Variants in MTMR8 observed in about 807,000 individuals in gnomAD.
The protein encoded by MTMR8 is myotubularin related protein 8, also known as phosphatidylinositol-3,5-bisphosphate 3-phosphatase MTMR8.
A neutral mutation model predicts 39.3 loss-of-function variants in MTMR8; 65 were observed. That is an observed-to-expected ratio of 1.65 (90% CI 1.35 to 2.03). The LOEUF is 2.03. Among genes scored for constraint, MTMR8 ranks in the 30% most tolerant of loss-of-function variants. The pLI is 0.00. For missense variants in MTMR8, 777 were observed against 538.9 expected (o/e 1.44, Z -4.37); for synonymous variants, 245 against 185.2 (o/e 1.32, Z -2.62).
intron 11 of MTMR8, among the ~76,000 whole-genome samples, chrX:64,330,605 G>A (rs1279851394): frequency 9.0e-6 from 1 of 111,463 alleles, no homozygotes; most frequent in Non-Finnish European, 1.9e-5. Flanking sequence ...TGTCAATTTT[G>A]AAAAGTACTT....
At chrX:64,350,591 T>C (rs920893519) in intron 4 of MTMR8, among the ~76,000 whole-genome samples, 11 of 111,542 alleles carry the variant, frequency 9.9e-5, no homozygotes, top group Admixed American at 9.6e-4. Flanking sequence ...GATGATTAAA[T>C]ACCAGCTAGC....
chrX:64,318,408 G>T (rs1218706651), intron 12 of MTMR8, among the ~76,000 whole-genome samples: 1 of 111,812 alleles, frequency 8.9e-6, no homozygotes, highest in Non-Finnish European at 1.9e-5. Context: ...GCTAGAAAGA[G>T]ATGGCTTCTA....
intron 12 of MTMR8, among the ~76,000 whole-genome samples, chrX:64,316,835 G>A (rs902214785): frequency 9.1e-6 from 1 of 110,149 alleles, no homozygotes; most frequent in African/African-American, 3.3e-5. Context: ...GTTAGGCCAG[G>A]TGCAGTGGCT....
At chrX:64,274,191 A>C (rs1301618522) in intron 12 of MTMR8, among the ~76,000 whole-genome samples, 1 of 112,164 alleles carries the variant, frequency 8.9e-6, no homozygotes, top group Non-Finnish European at 1.9e-5. Flanking sequence ...TCCAAGATAG[A>C]TCACATGTTA....
At chrX:64,391,280 C>T (rs1005933400) in intron 1 of MTMR8, among the ~76,000 whole-genome samples, 1 of 111,908 alleles carries the variant, frequency 8.9e-6, no homozygotes, top group Non-Finnish European at 1.9e-5. Context: ...TTAAAACATT[C>T]CTTAATGAGC....
intron 12 of MTMR8, among the ~76,000 whole-genome samples, chrX:64,275,615 G>GTCT (rs1430216521): frequency 2.1e-5 from 2 of 95,760 alleles, no homozygotes; most frequent in African/African-American, 8.2e-5. Context: ...GCCTCGTCCA[G>GTCT]TCTGCAGCCA....
At chrX:64,380,452 T>A (rs1924382157) in intron 1 of MTMR8, among the ~76,000 whole-genome samples, 1 of 112,530 alleles carries the variant, frequency 8.9e-6, no homozygotes, top group Admixed American at 9.4e-5. Context: ...TGGCCTGAGG[T>A]GAGGCATTTA....
chrX:64,355,856 A>G (rs1028679459), intron 3 of MTMR8, among the ~76,000 whole-genome samples: 4 of 111,427 alleles, frequency 3.6e-5, no homozygotes, highest in Non-Finnish European at 5.7e-5. Context: ...TTCCTTCCTG[A>G]ACTGAGAAAA....
chrX:64,346,246 A>T (rs751923063), intron 6 of MTMR8, among the ~76,000 whole-genome samples: 1 of 111,519 alleles, frequency 9.0e-6, no homozygotes, highest in Non-Finnish European at 1.9e-5. Flanking sequence ...CAGGAGGAGC[A>T]TGTATGTGGA....
intron 8 of MTMR8, among the ~76,000 whole-genome samples, chrX:64,337,937 T>G (rs965747120): frequency 1.8e-5 from 2 of 112,109 alleles, no homozygotes; most frequent in African/African-American, 6.5e-5. Flanking sequence ...CAATGGTACA[T>G]ATTGACCACT....
intron 12 of MTMR8, among the ~76,000 whole-genome samples, chrX:64,303,509 T>A: frequency 8.9e-6 from 1 of 112,340 alleles, no homozygotes; most frequent in South Asian, 3.7e-4. Flanking sequence ...AGGCTATTGG[T>A]GGTTAACGTG....
At chrX:64,286,715 A>C (rs1249690010) in intron 12 of MTMR8, among the ~76,000 whole-genome samples, 1 of 111,919 alleles carries the variant, frequency 8.9e-6, no homozygotes. Flanking sequence ...CAAAAACCAC[A>C]TGATTATCTC....
chrX:64,361,672 A>T (rs1234293237), intron 1 of MTMR8, among the ~76,000 whole-genome samples: 1 of 111,554 alleles, frequency 9.0e-6, no homozygotes, highest in Non-Finnish European at 1.9e-5. Flanking sequence ...GAATAAAAGT[A>T]AACGATCTTA....
chrX:64,308,044 C>T lies in MTMR8; in HGVS notation c.1481+20728G>A, dbSNP rs771012000. On this transcript the variant is annotated intron_variant, in intron 12 of 13. Transcript: ENST00000374852. ...ATGTTGATATTGTGTCCTATGATTG[C>T]GTTGAAGTCACCTATGTTGATGGGT... Among the ~76,000 whole-genome samples, 175 of 111,311 alleles carry T rather than the reference C, an allele frequency of 1.6e-3. 1 individual carries two copies. Among genetic ancestry groups the T allele is most frequent in the African/African-American group, 5.1e-3 (157 of 30,703 alleles).
intron 1 of MTMR8, among the ~76,000 whole-genome samples, chrX:64,380,268 C>G (rs1646482142): frequency 8.9e-6 from 1 of 112,740 alleles, no homozygotes; most frequent in South Asian, 3.6e-4. Flanking sequence ...AATGCTCACA[C>G]GTTTCAGATT....
At chrX:64,327,107 C>G (rs1922817846) in intron 12 of MTMR8, among the ~76,000 whole-genome samples, 1 of 111,640 alleles carries the variant, frequency 9.0e-6, no homozygotes, top group Non-Finnish European at 1.9e-5. Context: ...GAAAACACTT[C>G]ATAATATTGG....
At chrX:64,394,412 T>C (rs1230135749) in intron 1 of MTMR8, among the ~76,000 whole-genome samples, 2 of 112,200 alleles carry the variant, frequency 1.8e-5, no homozygotes, top group Non-Finnish European at 3.8e-5. Context: ...GGCAGCACTT[T>C]AATTCAAGTC....
chrX:64,342,389 A>G (rs1923243495), intron 8 of MTMR8, among the ~76,000 whole-genome samples: 5 of 112,110 alleles, frequency 4.5e-5, no homozygotes, highest in Admixed American at 9.4e-5. Context: ...GGGATATTGG[A>G]TAGGTGGTAA....
At chrX:64,315,985 A>G (rs1205515562) in intron 12 of MTMR8, among the ~76,000 whole-genome samples, 1 of 111,174 alleles carries the variant, frequency 9.0e-6, no homozygotes, top group Non-Finnish European at 1.9e-5. Flanking sequence ...TCAGCATTTT[A>G]TAAGTTTGAA....
Sources: gnomAD v4.1 joint callset for allele counts (sites outside exome capture counted in the v4.1 genomes callset) on GRCh38, gnomAD v4.1.1 for gene constraint, MANE v1.5 for transcripts, NCBI Gene and HGNC (gene_info 2026-07-23, HGNC 2026-07-21) for gene names.